The following ADCY3 variants were observed in gnomAD, a reference collection of about 807,000 sequenced individuals.
The protein encoded by ADCY3 is adenylate cyclase type 3.
A neutral mutation model predicts 119.4 loss-of-function variants in ADCY3; 70 were observed. The ratio of observed to expected loss-of-function variants is 0.59; its 90% CI spans 0.48 to 0.72. The LOEUF (loss-of-function observed/expected upper bound fraction) is 0.72. Ranked by LOEUF, ADCY3 falls within the 30% of genes least tolerant of loss-of-function variation. ADCY3 has a pLI of 0.00. For synonymous variants in ADCY3, 672 were observed against 621.4 expected, an observed-to-expected ratio of 1.08 and a Z score of -1.21; for missense variants, 1,238 against 1,541.6, an observed-to-expected ratio of 0.80 and a Z score of 3.30.
chr2:24,841,306 G>A lies in ADCY3; in HGVS notation c.1149C>T (p.His383=), dbSNP rs372342156. 8 of 1,581,758 alleles carry A rather than the reference G, an allele frequency of 5.1e-6. No individual in the cohort carries two copies. Among genetic ancestry groups the A allele is most frequent in the Middle Eastern group, 1.8e-4 (1 of 5,414 alleles). The change falls in exon 6 of 22, where the codon CAC becomes CAT. Residue 383 remains histidine (H), a synonymous_variant. Transcript: ENST00000679454. This position sits in a 1 kb window ranked among gnomAD's most constrained non-coding sequence, Gnocchi z 5.8. ...GCCCCATGAGGATGGAGCAGACGGC[G>A]TGGTCCTCCCGGTAGTCGGGCAAGC... ...ICGLPDYRED[H]AVCSILMGLA... is the part of the protein sequence containing the mutation.
intron 2 of ADCY3, among the ~76,000 whole-genome samples, chr2:24,908,132 G>C (rs1322524325): frequency 6.6e-6 from 1 of 152,184 alleles, no homozygotes; most frequent in African/African-American, 2.4e-5. Flanking sequence ...GACCAGCCTG[G>C]CCAATATGGA....
At chr2:24,884,488 T>TA (rs1054787802) in intron 2 of ADCY3, among the ~76,000 whole-genome samples, 5 of 141,092 alleles carry the variant, frequency 3.5e-5, no homozygotes, top group African/African-American at 1.1e-4. Flanking sequence ...TTTTTTTTTT[T>TA]TTTTTGAGAC....
chr2:24,855,463 G>A (rs1020089274), intron 3 of ADCY3, among the ~76,000 whole-genome samples: 9 of 152,352 alleles, frequency 5.9e-5, no homozygotes, highest in Admixed American at 2.6e-4. Context: ...AGGCTGGACC[G>A]GAGGAGGGGG....
Position 24,841,713 on chromosome 2 carries a change from T to A in ADCY3, c.957-46A>T. On this transcript the variant is annotated intron_variant, in intron 4 of 21. Transcript: ENST00000679454. This position sits in a 1 kb window ranked among gnomAD's most constrained non-coding sequence, Gnocchi z 5.8. ...GGGGGTGACGCTCCAGGCAGCCAGG[T>A]GTACCCGACCCCACTGCCAGCTCCC... The A allele has an allele frequency of 2.0e-6, 3 of 1,488,990 alleles. No homozygotes were observed. The highest frequency in any genetic ancestry group is 2.8e-6 in the Non-Finnish European group (3 of 1,072,996). 92.2% of individuals were successfully genotyped at this position (1,488,990 alleles called of 1,614,324 possible).
At chr2:24,904,525 A>AAAAAG in intron 2 of ADCY3, among the ~76,000 whole-genome samples, 1 of 151,914 alleles carries the variant, frequency 6.6e-6, no homozygotes, top group South Asian at 2.1e-4. Flanking sequence ...CATCTCAAAA[A>AAAAAG]AAAAGAAAAG....
chr2:24,917,207 G>A (rs554065763), intron 2 of ADCY3, among the ~76,000 whole-genome samples: 9 of 152,192 alleles, frequency 5.9e-5, no homozygotes, highest in Non-Finnish European at 1.0e-4. Flanking sequence ...AGAGGCTCAC[G>A]TCAGTCAGCA....
intron 2 of ADCY3, among the ~76,000 whole-genome samples, chr2:24,889,053 T>C (rs1201535382): frequency 6.6e-6 from 1 of 152,228 alleles, no homozygotes; most frequent in Non-Finnish European, 1.5e-5. Context: ...CAACTGTTTT[T>C]ATTTCATTTA....
intron 2 of ADCY3, among the ~76,000 whole-genome samples, chr2:24,910,661 CTTT>C (rs59644324): frequency 0.082 from 10,824 of 131,532 alleles, 558 homozygotes; most frequent in African/African-American, 0.24. Context: ...CTTTTCTTTT[CTTT>C]TTTTTTTTTT....
rs573522667 is a variant in ADCY3 at position 24,883,939 on chromosome 2, A to C, written c.676-11220T>G. On this transcript the variant is annotated intron_variant, in intron 2 of 21. Transcript: ENST00000679454. ...CAGAAAATGACATTTTGAGAGTAAAACTTTTTGCACACCGTCTGCAACAAA... is the reference window on the plus strand; with the variant it reads ...CAGAAAATGACATTTTGAGAGTAAACCTTTTTGCACACCGTCTGCAACAAA... Among the ~76,000 whole-genome samples the C allele has an allele frequency of 9.9e-5, 15 of 152,174 alleles. No homozygotes were observed. In the East Asian group the frequency reaches 2.9e-3, roughly 29 times the overall value.
chr2:24,837,241 T>C (rs1482618067), intron 8 of ADCY3, among the ~76,000 whole-genome samples, 196 bp from the exon 9 acceptor site: 1 of 152,154 alleles, frequency 6.6e-6, no homozygotes, highest in Non-Finnish European at 1.5e-5. Flanking sequence ...AATAAAAGGA[T>C]GGAACTGCCA....
rs746631897 is a variant in ADCY3, at chr2:24,834,786, G to A, written c.1805+8C>T. 1 of 1,611,584 alleles carries A rather than the reference G, an allele frequency of 6.2e-7. No individual in the cohort carries two copies. Among genetic ancestry groups the A allele is most frequent in the Admixed American group, 1.7e-5 (1 of 59,998 alleles). On this transcript the variant is annotated splice_region_variant and intron_variant, in intron 10 of 21. Coordinates refer to ENST00000679454, the MANE Select transcript of ADCY3 (RefSeq NM_004036.5). This position sits in a 1 kb window ranked among gnomAD's most constrained non-coding sequence, Gnocchi z 4.2. ...TGGTGGGCCTGGACGCTTCCGGGTG[G>A]CGCTTACACTTGGGCGGACTCTCGC...
rs1678499061 is a variant in ADCY3, at chr2:24,898,180, C to T, written c.675+20133G>A. ...GCCACTGCCCCTCCCCTACTGACCT[C>T]AGGATCGAAATCCAACGTGCCCTTC... On this transcript the variant is annotated intron_variant, in intron 2 of 21. Transcript: ENST00000679454. The surrounding 1 kb of genome is among the most constrained non-coding windows in gnomAD (Gnocchi z 4.3). 6.6e-6 allele frequency among the ~76,000 whole-genome samples: 1 copy of T among 152,150 alleles called. No homozygotes were observed. The highest frequency in any genetic ancestry group is 2.4e-5 in the African/African-American group (1 of 41,454).
intron 2 of ADCY3, among the ~76,000 whole-genome samples, chr2:24,886,291 C>G (rs149720293): frequency 1.6e-3 from 250 of 152,296 alleles, no homozygotes; most frequent in African/African-American, 5.2e-3. Flanking sequence ...TGCGCCAAAG[C>G]AAACACAACC....
At chr2:24,851,091 A>G (rs1672238941) in intron 3 of ADCY3, among the ~76,000 whole-genome samples, 1 of 152,206 alleles carries the variant, frequency 6.6e-6, no homozygotes, top group Non-Finnish European at 1.5e-5. Context: ...TGTTGCCTCC[A>G]GCTGTGATCC....
chr2:24,877,862 G>A (rs1675908198), intron 2 of ADCY3: 1 of 470,846 alleles, frequency 2.1e-6, no homozygotes, highest in Admixed American at 2.4e-5. Context: ...GGGCCCAAGG[G>A]CAACAGCTGT....
Position 24,842,352 on chromosome 2 carries a change from G to C in ADCY3, c.858C>G (p.His286Gln). The C allele has an allele frequency of 6.2e-7, 1 of 1,614,178 alleles. No individual in the cohort carries two copies. The highest frequency in any genetic ancestry group is 8.5e-7 in the Non-Finnish European group (1 of 1,180,030). Reference sequence around the variant, plus strand: ...TGTCTTTCAGCATCTCGTCAGCCACGTGCTTGGGCAGGATGGAAAGCATGA... The same window carrying C: ...TGTCTTTCAGCATCTCGTCAGCCACCTGCTTGGGCAGGATGGAAAGCATGA... The part of the protein sequence containing the change: ...ENLMLSILPK[H>Q]VADEMLKDMK... The change falls in exon 4 of 22, where the codon CAC (histidine) becomes CAG (glutamine). Residue 286 changes from histidine to glutamine, a missense_variant. Coordinates refer to ENST00000679454, the MANE Select transcript of ADCY3 (RefSeq NM_004036.5). The surrounding 1 kb of genome is among the most constrained non-coding windows in gnomAD (Gnocchi z 4.9).
intron 2 of ADCY3, among the ~76,000 whole-genome samples, chr2:24,893,795 A>G (rs558347291): frequency 6.6e-6 from 1 of 152,096 alleles, no homozygotes; most frequent in African/African-American, 2.4e-5. Flanking sequence ...TTTTGTAGAG[A>G]TAGGTTTTCA....
intron 21 of ADCY3, chr2:24,820,359 G>A: frequency 7.5e-7 from 1 of 1,325,122 alleles, no homozygotes; most frequent in South Asian, 2.2e-5. Flanking sequence ...GATGGCCATG[G>A]TCACCTGGGT....
chr2:24,911,202 G>A (rs1663577526), intron 2 of ADCY3, among the ~76,000 whole-genome samples: 2 of 149,816 alleles, frequency 1.3e-5, no homozygotes, highest in Admixed American at 1.3e-4. Flanking sequence ...GGCTCCGAGG[G>A]AAGATATAAG....
Sources: gnomAD v4.1 joint callset for allele counts (sites outside exome capture counted in the v4.1 genomes callset) on GRCh38, gnomAD v4.1.1 for gene constraint, Gnocchi (gnomAD v3.1) non-coding constraint, MANE v1.5 for transcripts, NCBI Gene and HGNC (gene_info 2026-07-23, HGNC 2026-07-21) for gene names.